BST1: variants seen among roughly 807,000 people sequenced by gnomAD.
BST1 encodes the protein ADP-ribosyl cyclase/cyclic ADP-ribose hydrolase 2.
Under a neutral mutation model 40.6 loss-of-function variants are expected in BST1, and 49 were observed. The ratio of observed to expected loss-of-function variants is 1.21; its 90% CI spans 0.96 to 1.53. The LOEUF is 1.53. Ranked by LOEUF, BST1 falls within the 40% of genes most tolerant of loss-of-function variation. BST1 has a pLI of 0.00. For synonymous variants in BST1, 157 were observed against 159.3 expected (o/e 0.99, Z 0.11); for missense variants, 423 against 395.9 (o/e 1.07, Z -0.58).
the BST1 span, among the ~76,000 whole-genome samples, chr4:15,773,452 G>A: frequency 3.9e-5 from 6 of 152,214 alleles, no homozygotes; most frequent in African/African-American, 1.4e-4. Context: ...GGTCCCTTCA[G>A]GACCTCCCAG....
chr4:15,752,635 G>A, the BST1 span, among the ~76,000 whole-genome samples: 1 of 152,082 alleles, frequency 6.6e-6, no homozygotes, highest in East Asian at 1.9e-4. Flanking sequence ...TGATCCACCT[G>A]CCTCAGCCTC....
the BST1 span, among the ~76,000 whole-genome samples, chr4:15,748,532 A>C: frequency 6.6e-6 from 1 of 152,194 alleles, no homozygotes; most frequent in Non-Finnish European, 1.5e-5. Flanking sequence ...CTCTCTCCCC[A>C]CAAAGGCCTT....
intron 8 of BST1, among the ~76,000 whole-genome samples, chr4:15,729,789 C>A (rs1176452654): frequency 6.6e-6 from 1 of 151,906 alleles, no homozygotes; most frequent in East Asian, 1.9e-4. Context: ...ACATGTAAAC[C>A]AGAAGAAAGC....
At chr4:15,766,206 G>C in the BST1 span, among the ~76,000 whole-genome samples, 2 of 151,952 alleles carry the variant, frequency 1.3e-5, no homozygotes, top group South Asian at 4.1e-4. Flanking sequence ...AGGAAGTATA[G>C]GATGCATATG....
chr4:15,766,389 G>C, the BST1 span, among the ~76,000 whole-genome samples: 1 of 151,892 alleles, frequency 6.6e-6, no homozygotes, highest in African/African-American at 2.4e-5. Flanking sequence ...TCAGACCTAA[G>C]GGAGGATGTG....
At chr4:15,736,402 T>C (rs932383656), downstream of BST1, among the ~76,000 whole-genome samples, 1 of 151,998 alleles carries the variant, frequency 6.6e-6, no homozygotes, top group Non-Finnish European at 1.5e-5. Flanking sequence ...GGCAGATCAC[T>C]TGAGGTCAGG....
chr4:15,724,513 C>T (rs1343162582), intron 8 of BST1, among the ~76,000 whole-genome samples: 1 of 151,922 alleles, frequency 6.6e-6, no homozygotes, highest in Non-Finnish European at 1.5e-5. Flanking sequence ...ATGGTGAAAC[C>T]CCATCTCTAC....
the BST1 span, among the ~76,000 whole-genome samples, chr4:15,746,509 G>A: frequency 6.6e-6 from 1 of 152,348 alleles, no homozygotes; most frequent in South Asian, 2.1e-4. Flanking sequence ...TGTGCATGAG[G>A]CAGGGAGAGA....
intron 5 of BST1, 83 bp from the exon 6 acceptor site, chr4:15,715,624 T>C (rs1205960472): frequency 9.5e-6 from 10 of 1,049,206 alleles, no homozygotes; most frequent in Non-Finnish European, 1.4e-5. Flanking sequence ...CTTTATTTTT[T>C]TTTAAGAAAG....
chr4:15,769,849 T>G, the BST1 span, among the ~76,000 whole-genome samples: 5 of 147,532 alleles, frequency 3.4e-5, no homozygotes, highest in South Asian at 2.1e-4. Context: ...TAGTTTTTTG[T>G]TTTTTTTTTA....
intron 6 of BST1, 125 bp downstream of exon 6, chr4:15,715,924 T>C (rs1720492308): frequency 1.5e-6 from 1 of 676,482 alleles, no homozygotes. Flanking sequence ...TCTAATGGGG[T>C]TGGTAGAGAA....
intron 8 of BST1, among the ~76,000 whole-genome samples, chr4:15,724,493 C>G (rs1049293317): frequency 6.6e-6 from 1 of 152,184 alleles, no homozygotes; most frequent in African/African-American, 2.4e-5. Flanking sequence ...TCAAGACCTG[C>G]CTGACCAACA....
downstream of BST1, among the ~76,000 whole-genome samples, chr4:15,741,348 C>T (rs1325544944): frequency 6.6e-6 from 1 of 152,046 alleles, no homozygotes; most frequent in Admixed American, 6.6e-5. Context: ...CCTAGCAATC[C>T]TATTATTATA....
chr4:15,705,555 G>C lies in BST1; in HGVS notation c.229G>C (p.Ala77Pro). Residue 77 changes from alanine (A) to proline (P), a missense_variant, in exon 2 of 9, where the codon GCG becomes CCG. Physicochemically the swap from Ala to Pro is conservative, Grantham distance 27. Transcript: ENST00000265016. Reference protein sequence around the residue: ...CTAIWEAFKVALDKDPCSVLP... With the variant: ...CTAIWEAFKVPLDKDPCSVLP... Reference sequence around the variant, plus strand: ...AGCCATCTGGGAAGCCTTTAAAGTGGCGCTGGACAAGGATCCCTGCTCCGT... The same window carrying C: ...AGCCATCTGGGAAGCCTTTAAAGTGCCGCTGGACAAGGATCCCTGCTCCGT... 1 of 1,607,112 alleles carries C rather than the reference G, an allele frequency of 6.2e-7. No homozygotes were observed. The highest frequency in any genetic ancestry group is 1.1e-5 in the South Asian group (1 of 90,054).
In BST1 at chr4:15,716,959, T is replaced by C. The variant is rs563829726; in HGVS notation, c.704+1160T>C. Among the ~76,000 whole-genome samples, 10 of 152,214 alleles carry C rather than the reference T, an allele frequency of 6.6e-5. No homozygotes were observed. In the South Asian group the frequency reaches 1.9e-3, roughly 28 times the overall value. Reference sequence around the variant, plus strand: ...CCCAGCTGATTTTTTGTATTTTTAGTGGAGGCAAGGTTTCACCATGTTGGC... The same window carrying C: ...CCCAGCTGATTTTTTGTATTTTTAGCGGAGGCAAGGTTTCACCATGTTGGC... On this transcript the variant is annotated intron_variant, in intron 6 of 8. Transcript: ENST00000265016.
chr4:15,738,969 G>T (rs968379667), downstream of BST1, among the ~76,000 whole-genome samples: 1 of 152,230 alleles, frequency 6.6e-6, no homozygotes, highest in African/African-American at 2.4e-5. Context: ...TTCCCAGGGT[G>T]AGAAAGTGGA....
At chr4:15,746,071 C>G in the BST1 span, among the ~76,000 whole-genome samples, 1 of 152,138 alleles carries the variant, frequency 6.6e-6, no homozygotes, top group East Asian at 1.9e-4. Flanking sequence ...TATTCTTCTT[C>G]CCAAAGGAGA....
At chr4:15,721,724 G>A (rs28510795) in intron 7 of BST1, among the ~76,000 whole-genome samples, 4,319 of 152,072 alleles carry the variant, frequency 0.028, 187 homozygotes, top group African/African-American at 0.099. Context: ...GTTGACAGGT[G>A]TGGCACACCA....
chr4:15,752,781 A>T, the BST1 span, among the ~76,000 whole-genome samples: 1 of 152,156 alleles, frequency 6.6e-6, no homozygotes, highest in Admixed American at 6.5e-5. Flanking sequence ...GTGAGGGAAG[A>T]AAATAGGCCA....
Sources: allele counts gnomAD v4.1 joint callset (sites outside exome capture counted in the v4.1 genomes callset), GRCh38; gene constraint gnomAD v4.1.1; transcripts MANE v1.5; gene names NCBI Gene and HGNC (gene_info 2026-07-23, HGNC 2026-07-21).